TNS1: variants seen among roughly 807,000 people sequenced by gnomAD.
TNS1 encodes tensin 1, also known as tensin-1.
A neutral mutation model predicts 168.6 loss-of-function variants in TNS1; 62 were observed. That is an observed-to-expected ratio of 0.37 (90% CI 0.30 to 0.45). The LOEUF (loss-of-function observed/expected upper bound fraction) is 0.45, where lower values mean the gene tolerates loss of function less well. Ranked by LOEUF, TNS1 falls within the 20% of genes least tolerant of loss-of-function variation. The pLI is 1.00. For synonymous variants in TNS1, 934 were observed against 933.2 expected (o/e 1.00, Z -0.02); for missense variants, 2,240 against 2,339.4 (o/e 0.96, Z 0.88).
intron 1 of TNS1, among the ~76,000 whole-genome samples, chr2:218,031,163 ATGAG>A (rs1250050714): frequency 1.6e-4 from 20 of 126,098 alleles, no homozygotes; most frequent in South Asian, 2.6e-4. Flanking sequence ...GAGCATGTCT[ATGAG>A]TGTCTTGTGT....
intron 18 of TNS1, among the ~76,000 whole-genome samples, chr2:217,850,777 C>G (rs1947377330): frequency 6.6e-6 from 1 of 152,094 alleles, no homozygotes; most frequent in Admixed American, 6.5e-5. Context: ...ATCAGAAACA[C>G]CCAGGCATGA....
intron 6 of TNS1, among the ~76,000 whole-genome samples, chr2:217,906,034 C>T (rs929344314): frequency 2.6e-5 from 4 of 152,194 alleles, no homozygotes; most frequent in Non-Finnish European, 5.9e-5. Context: ...TGTGGTTTTG[C>T]GCATTTCCCC....
chr2:217,971,714 AT>A (rs1348650773), intron 3 of TNS1, among the ~76,000 whole-genome samples: 3 of 152,210 alleles, frequency 2.0e-5, no homozygotes, highest in Non-Finnish European at 4.4e-5. Context: ...AAAAATCCCA[AT>A]GCCCAGGTCA....
At chr2:218,015,296 C>T (rs544504015), upstream of TNS1, among the ~76,000 whole-genome samples, 66 of 152,058 alleles carry the variant, frequency 4.3e-4, no homozygotes, top group African/African-American at 1.5e-3. Context: ...TCCTGAGTCA[C>T]GGCTTTTCCA....
intron 4 of TNS1, among the ~76,000 whole-genome samples, chr2:217,915,505 C>T: frequency 6.6e-6 from 1 of 152,204 alleles, no homozygotes; most frequent in Non-Finnish European, 1.5e-5. Context: ...CAGTGCCTGG[C>T]ACTGAGGGGT....
chr2:217,864,666 G>A (rs1949097915), intron 18 of TNS1, among the ~76,000 whole-genome samples: 1 of 152,138 alleles, frequency 6.6e-6, no homozygotes, highest in Non-Finnish European at 1.5e-5. Context: ...TGGTTCCCTG[G>A]GAATTTTATG....
chr2:217,965,721 C>T (rs1347409499), intron 3 of TNS1, among the ~76,000 whole-genome samples: 1 of 152,216 alleles, frequency 6.6e-6, no homozygotes, highest in Non-Finnish European at 1.5e-5. Context: ...GGCGGCCGTC[C>T]ACCAGCAAAG....
intron 1 of TNS1, among the ~76,000 whole-genome samples, chr2:218,031,089 TG>T (rs1958889816): frequency 6.7e-6 from 1 of 148,706 alleles, no homozygotes; most frequent in African/African-American, 2.6e-5. Context: ...TGTGAGTGTG[TG>T]AGCGTGTCTG....
intron 3 of TNS1, among the ~76,000 whole-genome samples, chr2:217,957,398 C>T (rs1184673138): frequency 1.3e-5 from 2 of 152,186 alleles, no homozygotes; most frequent in African/African-American, 4.8e-5. Context: ...GGGGACAGGA[C>T]GGTGGGACTG....
At chr2:217,989,910 C>T (rs577419714) in intron 2 of TNS1, among the ~76,000 whole-genome samples, 2 of 152,018 alleles carry the variant, frequency 1.3e-5, no homozygotes, top group South Asian at 4.2e-4. Context: ...AGACCACATG[C>T]TATCCACACA....
At chr2:217,982,417 T>TA (rs1958078640) in intron 2 of TNS1, among the ~76,000 whole-genome samples, 1 of 146,672 alleles carries the variant, frequency 6.8e-6, no homozygotes, top group African/African-American at 2.6e-5. Context: ...TTTTTTTTTT[T>TA]AGACATGGTC....
chr2:217,987,808 T>C (rs935662600), intron 2 of TNS1, among the ~76,000 whole-genome samples: 9 of 152,152 alleles, frequency 5.9e-5, no homozygotes, highest in African/African-American at 2.2e-4. Flanking sequence ...GAGCTGGAGT[T>C]TGGTCCACAC....
chr2:217,862,076 G>T (rs1329038380), intron 18 of TNS1, among the ~76,000 whole-genome samples: 10 of 152,136 alleles, frequency 6.6e-5, no homozygotes. Flanking sequence ...ACTGCCAATG[G>T]TGTGCCTGAA....
At chr2:217,925,109 A>G (rs749606112) in intron 3 of TNS1, among the ~76,000 whole-genome samples, 19 of 152,362 alleles carry the variant, frequency 1.2e-4, no homozygotes, top group Non-Finnish European at 2.2e-4. Flanking sequence ...TTGCAAAAAT[A>G]TAAGTGCTAT....
upstream of TNS1, among the ~76,000 whole-genome samples, chr2:218,014,645 A>G (rs1958739916): frequency 6.6e-6 from 1 of 152,154 alleles, no homozygotes; most frequent in Non-Finnish European, 1.5e-5. Context: ...CCTCAAATCT[A>G]TGTGACATCA....
Position 217,948,343 on chromosome 2 carries a change from G to GGGCC in TNS1, c.187-28111_187-28108dup, listed in dbSNP as rs1957164049. Among the ~76,000 whole-genome samples the GGGCC allele has an allele frequency of 6.6e-6, 1 of 152,168 alleles. No individual in the cohort carries two copies. Among genetic ancestry groups the GGGCC allele is most frequent in the Admixed American group, 6.5e-5 (1 of 15,282 alleles). ...TTCCCCCTCCATCACAGAGAAGGAA[G>GGGCC]GGCCACATGCCCAGGTCCCAAGGGG... On this transcript the variant is annotated intron_variant, in intron 3 of 32. Transcript: ENST00000682258. The surrounding 1 kb of genome is among the most constrained non-coding windows in gnomAD (Gnocchi z 4.1).
intron 1 of TNS1, among the ~76,000 whole-genome samples, chr2:217,997,827 T>A (rs1958498839): frequency 6.6e-6 from 1 of 152,230 alleles, no homozygotes; most frequent in African/African-American, 2.4e-5. Context: ...TCGTGTTGTC[T>A]TTTCTGTGTG....
At chr2:217,904,092 G>C (rs924119085) in intron 6 of TNS1, among the ~76,000 whole-genome samples, 2 of 152,162 alleles carry the variant, frequency 1.3e-5, no homozygotes, top group Admixed American at 1.3e-4. Context: ...ACCAACCTAC[G>C]TCAGGGGCCC....
chr2:217,906,448 C>T (rs757351335), intron 5 of TNS1, 63 bp from the exon 6 acceptor site: 258 of 701,158 alleles, frequency 3.7e-4, no homozygotes, highest in Non-Finnish European at 5.5e-4. Context: ...ATGCACCTTG[C>T]TGGGTTTGTC....
Sources: gnomAD v4.1 joint callset for allele counts (sites outside exome capture counted in the v4.1 genomes callset) on GRCh38, gnomAD v4.1.1 for gene constraint, Gnocchi (gnomAD v3.1) non-coding constraint, MANE v1.5 for transcripts, NCBI Gene and HGNC (gene_info 2026-07-23, HGNC 2026-07-21) for gene names.